TECRL: variants seen among roughly 807,000 people sequenced by gnomAD.
TECRL encodes trans-2,3-enoyl-CoA reductase-like.
TECRL carries 63 observed loss-of-function variants against 52.8 expected under a neutral mutation model. The observed-to-expected ratio is 1.19, with a 90% CI of 0.97 to 1.47. TECRL has a LOEUF of 1.47. Ranked by LOEUF, TECRL falls within the 40% of genes most tolerant of loss-of-function variation. The pLI is 0.00. For missense variants in TECRL, 482 were observed against 429.6 expected, an observed-to-expected ratio of 1.12 and a Z score of -1.08; for synonymous variants, 164 against 141.9, an observed-to-expected ratio of 1.16 and a Z score of -1.10.
intron 7 of TECRL, among the ~76,000 whole-genome samples, chr4:64,301,782 T>C (rs527663827): frequency 2.0e-5 from 3 of 151,314 alleles, no homozygotes; most frequent in East Asian, 1.9e-4. Context: ...AGTAAACATA[T>C]GCCTTATTCT....
At chr4:64,381,221 AT>A (rs1396941376) in intron 1 of TECRL, among the ~76,000 whole-genome samples, 1 of 151,950 alleles carries the variant, frequency 6.6e-6, no homozygotes. Flanking sequence ...AATGCTACTG[AT>A]TTTCATATGT....
chr4:64,342,585 T>A (rs79134047), intron 2 of TECRL, among the ~76,000 whole-genome samples: 1 of 152,092 alleles, frequency 6.6e-6, no homozygotes, highest in Non-Finnish European at 1.5e-5. Context: ...ATTCACTGTG[T>A]TTAAAATCTG....
At chr4:64,281,590 T>G (rs1342975242) in intron 9 of TECRL, 31 bp from the exon 10 acceptor site, 1 of 1,171,694 alleles carries the variant, frequency 8.5e-7, no homozygotes, top group Non-Finnish European at 1.3e-6. Flanking sequence ...ATGTCAATGA[T>G]GCTACACATT....
intron 2 of TECRL, among the ~76,000 whole-genome samples, chr4:64,349,286 C>T (rs1328727558): frequency 6.6e-6 from 1 of 151,918 alleles, no homozygotes; most frequent in African/African-American, 2.4e-5. Context: ...GCACGCACCC[C>T]TACACCAGGC....
rs1416526245 is a variant in TECRL, at chr4:64,409,299, G to T, written c.53C>A (p.Ser18Tyr). 4.3e-6 allele frequency: 7 copies of T among 1,613,700 alleles called. No individual in the cohort carries two copies. The highest frequency in any genetic ancestry group is 5.9e-6 in the Non-Finnish European group (7 of 1,179,840). Residue 18 changes from serine (S) to tyrosine (Y), a missense_variant, in exon 1 of 12, where the codon TCC (serine) becomes TAC (tyrosine). Coordinates refer to ENST00000381210, the MANE Select transcript of TECRL (RefSeq NM_001010874.5). ...LASERKRALL[S>Y]QRATRFILKD... is the part of the protein sequence containing the mutation. ...CAGTATGAACCGTGTAGCTCTTTGG[G>T]AAAGTAATGCTCTCTTGCGTTCCGA... is the stretch of plus-strand genomic sequence containing the variant.
chr4:64,309,161 T>C (rs1224607154), intron 6 of TECRL, among the ~76,000 whole-genome samples: 3 of 152,134 alleles, frequency 2.0e-5, no homozygotes, highest in Admixed American at 1.3e-4. Context: ...TTTACTGCAA[T>C]GACAACAATA....
At chr4:64,344,258 A>G (rs1719792381) in intron 2 of TECRL, among the ~76,000 whole-genome samples, 1 of 152,060 alleles carries the variant, frequency 6.6e-6, no homozygotes, top group Non-Finnish European at 1.5e-5. Context: ...ATATCTCTAT[A>G]TAACCTATGT....
At chr4:64,322,259 TAGTC>T in intron 4 of TECRL, among the ~76,000 whole-genome samples, 1 of 152,052 alleles carries the variant, frequency 6.6e-6, no homozygotes, top group Non-Finnish European at 1.5e-5. Context: ...CCCCTAGTTT[TAGTC>T]AGTCAGGCAG....
chr4:64,408,973 C>A (rs1038397006), intron 1 of TECRL, 145 bp downstream of exon 1: 3 of 666,232 alleles, frequency 4.5e-6, no homozygotes, highest in Non-Finnish European at 7.5e-6. Context: ...ATAAAGTATG[C>A]ATCCTGTTCA....
chr4:64,339,773 T>C (rs1040095615), intron 2 of TECRL, among the ~76,000 whole-genome samples: 4 of 152,134 alleles, frequency 2.6e-5, no homozygotes, highest in Non-Finnish European at 4.4e-5. Context: ...TTACTTCTTA[T>C]AATCACCATC....
At chr4:64,321,721 A>G (rs1717914840) in intron 4 of TECRL, among the ~76,000 whole-genome samples, 1 of 152,114 alleles carries the variant, frequency 6.6e-6, no homozygotes, top group Non-Finnish European at 1.5e-5. Flanking sequence ...ATGTCTTTTC[A>G]ATGTCGTCCT....
At chr4:64,309,515 T>A (rs1032245756) in intron 6 of TECRL, among the ~76,000 whole-genome samples, 1 of 152,138 alleles carries the variant, frequency 6.6e-6, no homozygotes, top group South Asian at 2.1e-4. Flanking sequence ...CGTTCTTATA[T>A]CATATTCTGC....
intron 2 of TECRL, among the ~76,000 whole-genome samples, chr4:64,344,364 TA>T (rs766529308): frequency 1.5e-4 from 23 of 152,112 alleles, no homozygotes; most frequent in Non-Finnish European, 3.2e-4. Context: ...TTTGATGTTA[TA>T]TTTTTTTAGT....
In TECRL at chr4:64,280,183, A is replaced by C; in HGVS notation, c.981T>G (p.Leu327=). Residue 327 remains leucine, a synonymous_variant, in exon 12 of 12, where the codon CTT becomes CTG. Coordinates refer to ENST00000381210, the MANE Select transcript of TECRL (RefSeq NM_001010874.5). ...ACAAAGACATCTGGATACTCATCAG[A>C]AGTGTAAAAATTCCAACTAGAAGAA... ...TQTLPVGIFT[L]LMSIQMSLWA... 1 of 1,532,562 alleles carries C rather than the reference A, an allele frequency of 6.5e-7. No individual in the cohort carries two copies. The highest frequency in any genetic ancestry group is 8.7e-7 in the Non-Finnish European group (1 of 1,143,558). The allele number at this position is 1,532,562 out of a possible 1,614,324, so 94.9% of individuals were successfully genotyped here.
intron 1 of TECRL, among the ~76,000 whole-genome samples, chr4:64,403,586 A>T (rs1477418753): frequency 1.3e-5 from 2 of 151,970 alleles, no homozygotes; most frequent in African/African-American, 4.8e-5. Flanking sequence ...ACATAAATAT[A>T]ACTTCTCCAG....
intron 11 of TECRL, among the ~76,000 whole-genome samples, 170 bp from the exon 12 acceptor site, chr4:64,280,369 G>A (rs955282653): frequency 6.6e-5 from 10 of 151,698 alleles, no homozygotes; most frequent in African/African-American, 1.5e-4. Flanking sequence ...AATCAATATC[G>A]CATGAATGAG....
intron 1 of TECRL, among the ~76,000 whole-genome samples, chr4:64,375,845 T>G (rs1485326462): frequency 6.6e-6 from 1 of 151,980 alleles, no homozygotes; most frequent in East Asian, 1.9e-4. Context: ...AATAAAATAT[T>G]TTTTATTCAT....
At chr4:64,357,598 C>T (rs1047741258) in intron 2 of TECRL, among the ~76,000 whole-genome samples, 13 of 124,190 alleles carry the variant, frequency 1.0e-4, no homozygotes, top group Non-Finnish European at 5.9e-5. Context: ...AAATTTAAAA[C>T]TATGAAAAGA....
intron 2 of TECRL, among the ~76,000 whole-genome samples, chr4:64,332,859 G>C (rs892739407): frequency 2.0e-5 from 3 of 151,988 alleles, no homozygotes; most frequent in Admixed American, 2.0e-4. Flanking sequence ...CAATGAAAAA[G>C]TACATCATTC....
Sources: allele counts gnomAD v4.1 joint callset (sites outside exome capture counted in the v4.1 genomes callset), GRCh38; gene constraint gnomAD v4.1.1; transcripts MANE v1.5; gene names NCBI Gene and HGNC (gene_info 2026-07-23, HGNC 2026-07-21).